RPS4X: variants seen among roughly 807,000 people sequenced by gnomAD.
RPS4X encodes small ribosomal subunit protein eS4, X isoform.
For missense variants in RPS4X, 90 were observed against 219.1 expected (o/e 0.41, Z 3.72); for synonymous variants, 76 against 76.8 (o/e 0.99, Z 0.06).
intron 6 of RPS4X, 133 bp downstream of exon 6, chrX:72,273,099 G>C: frequency 1.7e-6 from 1 of 584,597 alleles, no homozygotes; most frequent in Non-Finnish European, 2.7e-6. Context: ...GCCCAGCTCT[G>C]CGTGAGTCCT....
chrX:72,274,039 AC>A (rs1195949955), intron 4 of RPS4X, 67 bp from the exon 5 acceptor site: 22 of 986,343 alleles, frequency 2.2e-5, no homozygotes, highest in Non-Finnish European at 3.1e-5. Flanking sequence ...CTATACAGGA[AC>A]CATGGGTTCC....
intron 1 of RPS4X, 102 bp from the exon 2 acceptor site, chrX:72,276,336 G>A: frequency 1.8e-6 from 1 of 560,068 alleles, no homozygotes; most frequent in Non-Finnish European, 3.0e-6. Context: ...TCAGCAAAAT[G>A]TGGACAATAT....
rs1269619211 is a variant in RPS4X, at chrX:72,272,342, G to C, written c.*329C>G. On this transcript the variant is annotated 3_prime_UTR_variant, in exon 7 of 7. Transcript: ENST00000316084. Reference sequence around the variant, plus strand: ...TAGAAAGCCAAGGGAACTTAACAGGGCAGAGGGGTCCACTGTGTAGAGAAG... The same window carrying C: ...TAGAAAGCCAAGGGAACTTAACAGGCCAGAGGGGTCCACTGTGTAGAGAAG... The C allele has an allele frequency of 5.5e-6, 1 of 183,067 alleles. No homozygotes were observed. The highest frequency in any genetic ancestry group is 1.0e-5 in the Non-Finnish European group (1 of 99,836). The allele number at this position is 183,067 out of a possible 1,213,427, so 15.1% of individuals were successfully genotyped here. A position where few individuals can be genotyped will look rare whatever the true frequency, so the allele number is the denominator to read the frequency against.
rs772495228 is a variant in RPS4X at position 72,277,187 on chromosome X, G to A, written c.3+6C>T. ...GTCCTAAGAGCTCGCTAACTAAACG[G>A]CTTACCATGGCTGCGTTAGGCAAGG... On this transcript the variant is annotated splice_donor_region_variant and intron_variant, in intron 1 of 6. Coordinates refer to ENST00000316084, the MANE Select transcript of RPS4X (RefSeq NM_001007.5). The A allele has an allele frequency of 4.4e-5, 53 of 1,209,632 alleles. No individual in the cohort carries two copies. The highest frequency in any genetic ancestry group is 5.1e-5 in the Non-Finnish European group (46 of 894,580).
In RPS4X at chrX:72,276,202, C is replaced by T. The variant is rs1223075116; in HGVS notation, c.36G>A (p.Val12=). Residue 12 remains valine (V), a synonymous_variant, in exon 2 of 7, where the codon GTG becomes GTA. Coordinates refer to ENST00000316084, the MANE Select transcript of RPS4X (RefSeq NM_001007.5). ...ARGPKKHLKR[V]AAPKHWMLDK... ...CCAGCATCCAATGCTTTGGAGCTGC[C>T]ACCCGCTTCAGATGCTTCTTGGGAC... 2 of 1,209,098 alleles carry T rather than the reference C, an allele frequency of 1.7e-6. No homozygotes were observed. Among genetic ancestry groups the T allele is most frequent in the East Asian group, 5.9e-5 (2 of 33,768 alleles).
chrX:72,274,521 G>C, intron 4 of RPS4X: 1 of 326,506 alleles, frequency 3.1e-6, no homozygotes, highest in Non-Finnish European at 6.1e-6. Flanking sequence ...CTAAACTTTT[G>C]TGTAAAACCA....
intron 1 of RPS4X, among the ~76,000 whole-genome samples, chrX:72,276,659 C>G (rs751485826): frequency 1.8e-5 from 2 of 112,099 alleles, no homozygotes; most frequent in Non-Finnish European, 3.8e-5. Flanking sequence ...GTTTTTGACA[C>G]GTATGGAACA....
At chrX:72,276,926 G>A (rs1195645783) in intron 1 of RPS4X, among the ~76,000 whole-genome samples, 2 of 112,453 alleles carry the variant, frequency 1.8e-5, no homozygotes, top group East Asian at 5.6e-4. Flanking sequence ...TCCGGCCCGG[G>A]AGGAAAAGCA....
intron 5 of RPS4X, 83 bp from the exon 6 acceptor site, chrX:72,273,472 C>T (rs769904603): frequency 1.8e-4 from 158 of 901,729 alleles, no homozygotes; most frequent in Non-Finnish European, 2.3e-4. Context: ...AATTTTATTC[C>T]TCCTTTCCCC....
rs766347118 is a variant in RPS4X at position 72,273,842 on chromosome X, A to G, written c.491T>C (p.Leu164Ser). 3 of 1,208,881 alleles carry G rather than the reference A, an allele frequency of 2.5e-6. No homozygotes were observed. Among genetic ancestry groups the G allele is most frequent in the Non-Finnish European group, 3.4e-6 (3 of 893,095 alleles). The change falls in exon 5 of 7, where the codon TTG becomes TCG. Residue 164 changes from leucine (L) to serine (S), a missense_variant. Leu to Ser is a moderately radical substitution (Grantham distance 145, BLOSUM62 -2). Coordinates refer to ENST00000316084, the MANE Select transcript of RPS4X (RefSeq NM_001007.5). ...IKVNDTIQIDLETGKITDFIK... is the reference protein window; with the variant it reads ...IKVNDTIQIDSETGKITDFIK... ...GAAATCAGTAATCTTGCCAGTCTCC[A>G]AATCAATCTGAATGGTATCATTCAC...
At chrX:72,274,052 T>C (rs374020237) in intron 4 of RPS4X, 80 bp from the exon 5 acceptor site, 1 of 854,794 alleles carries the variant, frequency 1.2e-6, no homozygotes. Context: ...ATGGGTTCCC[T>C]AACTGCTGCA....
intron 3 of RPS4X, 54 bp from the exon 4 acceptor site, chrX:72,275,204 C>T: frequency 2.5e-6 from 2 of 815,379 alleles, no homozygotes; most frequent in Non-Finnish European, 3.7e-6. Flanking sequence ...CTACCTCATG[C>T]CGAGCAACAA....
Position 72,273,210 on chromosome X carries a change from GAGA to G in RPS4X, c.690+19_690+21del. 8.4e-7 allele frequency: 1 copy of G among 1,192,125 alleles called. No homozygotes were observed. The highest frequency in any genetic ancestry group is 1.1e-6 in the Non-Finnish European group (1 of 883,066). ...CATTTACATATTTCCTCAGACTAGA[GAGA>G]AGGAAAACCCAGACTTACCTTGCCA... On this transcript the variant is annotated intron_variant, in intron 6 of 6. Transcript: ENST00000316084.
intron 1 of RPS4X, among the ~76,000 whole-genome samples, chrX:72,276,540 C>T (rs931940658): frequency 1.8e-5 from 2 of 111,856 alleles, no homozygotes; most frequent in African/African-American, 3.3e-5. Flanking sequence ...ACTGTATCTG[C>T]TTAGAGGTTA....
chrX:72,274,576 T>TA (rs1247482255), intron 4 of RPS4X: 1 of 293,925 alleles, frequency 3.4e-6, no homozygotes, highest in African/African-American at 2.8e-5. Flanking sequence ...AATCTTTTTT[T>TA]AAACCTCAAA....
In RPS4X at chrX:72,277,199, T is replaced by G; in HGVS notation, c.-4A>C. On this transcript the variant is annotated 5_prime_UTR_variant, in exon 1 of 7. Transcript: ENST00000316084. ...CGCTAACTAAACGGCTTACCATGGC[T>G]GCGTTAGGCAAGGAAAGAGGACCTC... 1 of 1,210,796 alleles carries G rather than the reference T, an allele frequency of 8.3e-7. No homozygotes were observed. The highest frequency in any genetic ancestry group is 1.1e-6 in the Non-Finnish European group (1 of 894,818).
At chrX:72,273,147 G>C (rs769726353) in intron 6 of RPS4X, 85 bp downstream of exon 6, 70 of 964,418 alleles carry the variant, frequency 7.3e-5, no homozygotes, top group Non-Finnish European at 9.4e-5. Flanking sequence ...AGCAGAGCCA[G>C]CCAGGAGCCT....
chrX:72,277,224 C>T lies in RPS4X; in HGVS notation c.-29G>A, dbSNP rs1158439195. The T allele has an allele frequency of 6.6e-6, 8 of 1,208,351 alleles. No individual in the cohort carries two copies. The highest frequency in any genetic ancestry group is 1.8e-5 in the South Asian group (1 of 56,269). ...TGCGTTAGGCAAGGAAAGAGGACCTCCGTCTTCCGGTGCGCGTAGAAATTG... is the reference window on the plus strand; with the variant it reads ...TGCGTTAGGCAAGGAAAGAGGACCTTCGTCTTCCGGTGCGCGTAGAAATTG... On this transcript the variant is annotated 5_prime_UTR_variant, in exon 1 of 7. Transcript: ENST00000316084.
At chrX:72,273,117 A>C in intron 6 of RPS4X, 115 bp downstream of exon 6, 1 of 684,524 alleles carries the variant, frequency 1.5e-6, no homozygotes, top group Admixed American at 3.1e-5. Context: ...CCTATCCAGA[A>C]GAGGCTTTGC....
Sources: allele counts gnomAD v4.1 joint callset (sites outside exome capture counted in the v4.1 genomes callset), GRCh38; gene constraint gnomAD v4.1.1; transcripts MANE v1.5; gene names NCBI Gene and HGNC (gene_info 2026-07-23, HGNC 2026-07-21).